STIM1: variants seen among roughly 807,000 people sequenced by gnomAD.
The protein encoded by STIM1 is stromal interaction molecule 1.
A neutral mutation model predicts 74.7 loss-of-function variants in STIM1; 25 were observed. The observed-to-expected ratio is 0.33, with a 90% CI of 0.24 to 0.47. STIM1 has a LOEUF of 0.47. STIM1 is among the 20% of genes least tolerant of loss of function. STIM1 has a pLI of 1.00. For missense variants in STIM1, 728 were observed against 920.8 expected, an observed-to-expected ratio of 0.79 and a Z score of 2.71; for synonymous variants, 328 against 348.8, an observed-to-expected ratio of 0.94 and a Z score of 0.66.
chr11:3,857,594 C>G (rs1031546516), intron 1 of STIM1, among the ~76,000 whole-genome samples: 2 of 151,922 alleles, frequency 1.3e-5, no homozygotes, highest in African/African-American at 4.8e-5. Context: ...TTTCCCATTT[C>G]TCTCACCCTT....
chr11:3,951,359 T>C (rs1023991652), intron 1 of STIM1, among the ~76,000 whole-genome samples: 7 of 152,214 alleles, frequency 4.6e-5, no homozygotes, highest in African/African-American at 1.7e-4. Context: ...CAGTTATCTT[T>C]CTTTTATTGT....
At chr11:3,894,547 C>T (rs1296930266) in intron 1 of STIM1, among the ~76,000 whole-genome samples, 1 of 152,106 alleles carries the variant, frequency 6.6e-6, no homozygotes, top group Non-Finnish European at 1.5e-5. Flanking sequence ...TTTCCTTACC[C>T]CTTATTCCAT....
chr11:3,941,679 G>T (rs879535767), intron 1 of STIM1, among the ~76,000 whole-genome samples: 33 of 142,328 alleles, frequency 2.3e-4, no homozygotes, highest in East Asian at 6.7e-4. Context: ...TATATAGAGA[G>T]AGAGAGAGAG....
intron 9 of STIM1, 101 bp from the exon 10 acceptor site, chr11:4,083,162 T>G: frequency 7.6e-7 from 1 of 1,323,728 alleles, no homozygotes; most frequent in Non-Finnish European, 1.1e-6. Context: ...GTGTGTTTTA[T>G]TCACACATAT....
chr11:4,082,536 A>G (rs2094470824), intron 8 of STIM1, among the ~76,000 whole-genome samples, 185 bp downstream of exon 8: 1 of 152,026 alleles, frequency 6.6e-6, no homozygotes, highest in South Asian at 2.1e-4. Context: ...GGAGGAGGGA[A>G]TGAGGGTGTA....
chr11:3,946,158 C>A (rs1233802254), intron 1 of STIM1, among the ~76,000 whole-genome samples: 1 of 152,152 alleles, frequency 6.6e-6, no homozygotes. Flanking sequence ...ATAGGAATTT[C>A]TTGAATAATA....
chr11:3,877,207 A>T (rs1347884811), intron 1 of STIM1, among the ~76,000 whole-genome samples: 1 of 152,106 alleles, frequency 6.6e-6, no homozygotes, highest in Non-Finnish European at 1.5e-5. Flanking sequence ...CAATGGCTTC[A>T]CAGGCTTGAT....
intron 3 of STIM1, among the ~76,000 whole-genome samples, chr11:4,025,931 A>G (rs974000003): frequency 6.6e-6 from 1 of 152,222 alleles, no homozygotes; most frequent in Non-Finnish European, 1.5e-5. Context: ...GAGAAATGAT[A>G]TATATGTACC....
intron 12 of STIM1, chr11:4,088,965 C>T (rs996162473): frequency 4.0e-6 from 2 of 501,716 alleles, no homozygotes; most frequent in South Asian, 2.0e-5. Flanking sequence ...GGTGCAGTGG[C>T]TCACACCTGT....
Position 4,091,617 on chromosome 11 carries a change from C to T in STIM1, c.1970C>T (p.Thr657Ile), listed in dbSNP as rs2094525747. ...AGCCCCAGCTCCCCAGACCCAGACA[C>T]ACCATCTCCAGTTGGGGACAGCCGA... is the stretch of plus-strand genomic sequence containing the variant. ...SHSPSSPDPD[T>I]PSPVGDSRAL... The change falls in exon 13 of 13, where the codon ACA becomes ATA. Residue 657 changes from threonine (T) to isoleucine (I), a missense_variant. Physicochemically the swap from Thr to Ile is moderately conservative, Grantham distance 89. This residue lies in a region of STIM1 where 352 missense variants were observed against 370.1 expected (regional missense o/e 0.95). Transcript: ENST00000526596. 1 of 1,614,234 alleles carries T rather than the reference C, an allele frequency of 6.2e-7. No homozygotes were observed. Among genetic ancestry groups the T allele is most frequent in the Non-Finnish European group, 8.5e-7 (1 of 1,180,050 alleles).
At chr11:4,039,996 T>C (rs566997367) in intron 3 of STIM1, among the ~76,000 whole-genome samples, 1 of 152,264 alleles carries the variant, frequency 6.6e-6, no homozygotes, top group Admixed American at 6.5e-5. Flanking sequence ...CTTGAACTCC[T>C]GACCTCATGT....
intron 3 of STIM1, among the ~76,000 whole-genome samples, chr11:4,029,447 G>A (rs868582814): frequency 9.2e-5 from 14 of 151,946 alleles, no homozygotes; most frequent in Middle Eastern, 3.4e-3. Flanking sequence ...ATGTCTGCAC[G>A]GGCTTTCTCC....
intron 3 of STIM1, among the ~76,000 whole-genome samples, chr11:4,026,556 A>G (rs1046823953): frequency 2.6e-5 from 4 of 152,232 alleles, no homozygotes; most frequent in African/African-American, 9.6e-5. Context: ...GACATCAGCC[A>G]TAATTTCAAG....
At chr11:4,011,445 T>C (rs1401979881) in intron 2 of STIM1, among the ~76,000 whole-genome samples, 1 of 152,212 alleles carries the variant, frequency 6.6e-6, no homozygotes, top group East Asian at 1.9e-4. Flanking sequence ...ATTGTGATTT[T>C]GATTTTGATT....
At chr11:3,909,292 G>A (rs547229267) in intron 1 of STIM1, among the ~76,000 whole-genome samples, 44 of 152,232 alleles carry the variant, frequency 2.9e-4, no homozygotes, top group African/African-American at 1.0e-3. Context: ...TCATTTCAAG[G>A]ATTCTGTCAG....
At chr11:3,953,078 A>G (rs2093168369) in intron 1 of STIM1, among the ~76,000 whole-genome samples, 1 of 152,208 alleles carries the variant, frequency 6.6e-6, no homozygotes, top group Non-Finnish European at 1.5e-5. Context: ...GGGACACAGA[A>G]GGAGTAGCTG....
At chr11:4,058,462 C>G (rs1019094391) in intron 4 of STIM1, among the ~76,000 whole-genome samples, 15 of 152,206 alleles carry the variant, frequency 9.9e-5, no homozygotes, top group African/African-American at 3.6e-4. Context: ...AGCTATGCAT[C>G]AGAAAAGAGC....
Position 3,920,888 on chromosome 11 carries a change from T to G in STIM1, c.140-46664T>G, listed in dbSNP as rs535749838. ...TTGGCTCACTACAGCCTCCACCTTC[T>G]GGGTTCAAGTGATTCTCCTGCCTCA... On this transcript the variant is annotated intron_variant, in intron 1 of 12. Transcript: ENST00000526596. 1.1e-3 allele frequency among the ~76,000 whole-genome samples: 172 copies of G among 151,510 alleles called. 1 individual carries two copies. Among genetic ancestry groups the G allele is most frequent in the African/African-American group, 4.0e-3 (164 of 41,244 alleles).
At chr11:3,920,908 G>T (rs938288619) in intron 1 of STIM1, among the ~76,000 whole-genome samples, 7 of 150,844 alleles carry the variant, frequency 4.6e-5, no homozygotes, top group Non-Finnish European at 8.9e-5. Flanking sequence ...TGATTCTCCT[G>T]CCTCAGCCTC....
Sources: gnomAD v4.1 joint callset for allele counts (sites outside exome capture counted in the v4.1 genomes callset) on GRCh38, gnomAD v4.1.1 for gene constraint, gnomAD v4.1.1 regional missense constraint, MANE v1.5 for transcripts, NCBI Gene and HGNC (gene_info 2026-07-23, HGNC 2026-07-21) for gene names.